MGLL: variants seen among roughly 807,000 people sequenced by gnomAD.
The protein encoded by MGLL is monoglyceride lipase.
MGLL carries 7 observed loss-of-function variants against 29.1 expected under a neutral mutation model. The ratio of observed to expected loss-of-function variants is 0.24; its 90% CI spans 0.14 to 0.45. The LOEUF is 0.45. Among genes scored for constraint, MGLL ranks in the 20% least tolerant of loss-of-function variants. The pLI is 0.99. For missense variants in MGLL, 356 were observed against 413.6 expected, an observed-to-expected ratio of 0.86 and a Z score of 1.21; for synonymous variants, 148 against 168.3, an observed-to-expected ratio of 0.88 and a Z score of 0.93.
chr3:127,733,962 T>A (rs989245143), intron 3 of MGLL, among the ~76,000 whole-genome samples: 1 of 152,180 alleles, frequency 6.6e-6, no homozygotes, highest in Non-Finnish European at 1.5e-5. Flanking sequence ...CCAGCCTGCC[T>A]CCCAATCGTA....
intron 6 of MGLL, among the ~76,000 whole-genome samples, chr3:127,702,959 T>C (rs573005548): frequency 9.9e-5 from 15 of 152,270 alleles, no homozygotes; most frequent in African/African-American, 2.6e-4. Context: ...CCTCCCAAAT[T>C]GCTGGGATTA....
intron 4 of MGLL, among the ~76,000 whole-genome samples, chr3:127,721,507 G>GTTTTTTT (rs55892315): frequency 2.3e-4 from 22 of 94,806 alleles, no homozygotes; most frequent in Non-Finnish European, 3.2e-4. Context: ...TAATAGGAGG[G>GTTTTTTT]TTTTTTTTTT....
At chr3:127,695,727 G>C (rs1559903711) in intron 6 of MGLL, among the ~76,000 whole-genome samples, 1 of 152,056 alleles carries the variant, frequency 6.6e-6, no homozygotes, top group Non-Finnish European at 1.5e-5. Context: ...CTAGGCGACA[G>C]AGCAAGACTC....
chr3:127,715,637 G>A (rs1167965252), intron 5 of MGLL: 1 of 456,026 alleles, frequency 2.2e-6, no homozygotes, highest in African/African-American at 2.0e-5. Flanking sequence ...CAGAGGAAGT[G>A]GGTTGATTGT....
chr3:127,777,851 G>A (rs1358316556), intron 3 of MGLL, among the ~76,000 whole-genome samples: 1 of 152,242 alleles, frequency 6.6e-6, no homozygotes, highest in Non-Finnish European at 1.5e-5. Flanking sequence ...GAGATCATAT[G>A]AGAAAAGTGC....
At chr3:127,817,838 G>A (rs1176859046) in intron 2 of MGLL, among the ~76,000 whole-genome samples, 1 of 152,238 alleles carries the variant, frequency 6.6e-6, no homozygotes, top group African/African-American at 2.4e-5. Flanking sequence ...TTCTCAAAGG[G>A]GCACAAGAGA....
chr3:127,715,692 C>T (rs950543190), intron 5 of MGLL: 2 of 456,602 alleles, frequency 4.4e-6, no homozygotes, highest in African/African-American at 4.0e-5. Flanking sequence ...ATTGAGGCGG[C>T]ATGACGAGGA....
intron 3 of MGLL, among the ~76,000 whole-genome samples, chr3:127,776,322 A>C (rs1450959412): frequency 6.6e-6 from 1 of 150,536 alleles, no homozygotes; most frequent in Non-Finnish European, 1.5e-5. Flanking sequence ...ATCTTTTAAA[A>C]TCCTGATGCC....
At chr3:127,795,893 T>G (rs1372643751) in intron 2 of MGLL, among the ~76,000 whole-genome samples, 1 of 152,264 alleles carries the variant, frequency 6.6e-6, no homozygotes, top group Non-Finnish European at 1.5e-5. Flanking sequence ...ATAACAATTA[T>G]GAACATTATG....
intron 5 of MGLL, among the ~76,000 whole-genome samples, chr3:127,718,690 A>T (rs571446851): frequency 3.3e-5 from 5 of 152,250 alleles, no homozygotes; most frequent in African/African-American, 1.2e-4. Context: ...AAAAAGAAGA[A>T]CAAATGGAGT....
chr3:127,788,355 G>A (rs1368730137), intron 2 of MGLL, among the ~76,000 whole-genome samples: 2 of 152,148 alleles, frequency 1.3e-5, no homozygotes, highest in African/African-American at 4.8e-5. Flanking sequence ...AGTGAGGTCC[G>A]CAGGTTGGAT....
At chr3:127,822,818 G>A (rs983704188), upstream of MGLL, 2 of 167,356 alleles carry the variant, frequency 1.2e-5, no homozygotes, top group Admixed American at 6.4e-5. Context: ...GGGCTTCGCC[G>A]GGTGTCTGCA....
intron 2 of MGLL, among the ~76,000 whole-genome samples, chr3:127,789,684 C>T (rs1364789868): frequency 1.3e-5 from 2 of 150,556 alleles, no homozygotes; most frequent in African/African-American, 4.9e-5. Flanking sequence ...CTCTGGGTGG[C>T]AGAGCAAGAC....
At chr3:127,776,676 G>C (rs1240818826) in intron 3 of MGLL, among the ~76,000 whole-genome samples, 3 of 152,218 alleles carry the variant, frequency 2.0e-5, no homozygotes, top group African/African-American at 4.8e-5. Context: ...CTCAGGTCCA[G>C]TGGCCACACT....
At chr3:127,768,124 TAG>T (rs988508838) in intron 3 of MGLL, among the ~76,000 whole-genome samples, 1 of 152,236 alleles carries the variant, frequency 6.6e-6, no homozygotes, top group African/African-American at 2.4e-5. Flanking sequence ...AAAATTGGGA[TAG>T]TCCTATTAAT....
At chr3:127,751,934 T>C (rs528276136) in intron 3 of MGLL, among the ~76,000 whole-genome samples, 233 of 152,308 alleles carry the variant, frequency 1.5e-3, no homozygotes, top group Middle Eastern at 3.4e-3. Flanking sequence ...AAGCCGTGAA[T>C]GATGCTTGGT....
chr3:127,816,014 C>T (rs553696786), intron 2 of MGLL, among the ~76,000 whole-genome samples: 126 of 152,154 alleles, frequency 8.3e-4, no homozygotes, highest in Non-Finnish European at 1.7e-3. Flanking sequence ...GAGCTGCATG[C>T]GAGGGGCGCT....
At chr3:127,766,420 T>C (rs1471574820) in intron 3 of MGLL, among the ~76,000 whole-genome samples, 1 of 152,236 alleles carries the variant, frequency 6.6e-6, no homozygotes, top group Non-Finnish European at 1.5e-5. Flanking sequence ...AAGTAAATCC[T>C]ACTCAGAAAA....
rs777036993 is a variant in MGLL at position 127,730,555 on chromosome 3, C to T, written c.263-7989G>A. 5.9e-5 allele frequency among the ~76,000 whole-genome samples: 9 copies of T among 152,258 alleles called. No homozygotes were observed. The East Asian group carries it at 9.7e-4, about 16-fold the overall frequency. ...CATCCATGGCATCCACTGTAATTCC[C>T]TAAATGCAGGTGCAGCTTCCGGAAG... On this transcript the variant is annotated intron_variant, in intron 3 of 7. Coordinates refer to ENST00000265052, the MANE Select transcript of MGLL (RefSeq NM_007283.7).
Sources: gnomAD v4.1 joint callset for allele counts (sites outside exome capture counted in the v4.1 genomes callset) on GRCh38, gnomAD v4.1.1 for gene constraint, MANE v1.5 for transcripts, NCBI Gene and HGNC (gene_info 2026-07-23, HGNC 2026-07-21) for gene names.